The following ANKRD11 variants were observed in gnomAD, a reference collection of about 807,000 sequenced individuals.
The protein encoded by ANKRD11 is ankyrin repeat domain 11.
ANKRD11 carries 17 observed loss-of-function variants against 195.7 expected under a neutral mutation model. The observed-to-expected ratio is 0.09, with a 90% CI of 0.06 to 0.13. The LOEUF (loss-of-function observed/expected upper bound fraction) is 0.13, where lower values mean the gene tolerates loss of function less well. Among genes scored for constraint, ANKRD11 ranks in the 10% least tolerant of loss-of-function variants. The pLI is 1.00. For missense variants in ANKRD11, 3,735 were observed against 3,566.1 expected, an observed-to-expected ratio of 1.05 and a Z score of -1.21; for synonymous variants, 1,953 against 1,528.1, an observed-to-expected ratio of 1.28 and a Z score of -6.49.
intron 2 of ANKRD11, among the ~76,000 whole-genome samples, chr16:89,350,424 A>G (rs1265284762): frequency 1.3e-5 from 2 of 152,202 alleles, no homozygotes; most frequent in Non-Finnish European, 2.9e-5. Flanking sequence ...GGACATGTCT[A>G]TAACTGCTTA....
At chr16:89,321,923 G>A in intron 2 of ANKRD11, among the ~76,000 whole-genome samples, 1 of 152,230 alleles carries the variant, frequency 6.6e-6, no homozygotes, top group East Asian at 1.9e-4. Context: ...AAAGCCATTC[G>A]TGGAGACCCG....
At chr16:89,333,042 C>A (rs1283662366) in intron 2 of ANKRD11, among the ~76,000 whole-genome samples, 1 of 152,176 alleles carries the variant, frequency 6.6e-6, no homozygotes, top group African/African-American at 2.4e-5. Context: ...TGACAGGGAA[C>A]CCCCAGGGAA....
intron 2 of ANKRD11, among the ~76,000 whole-genome samples, chr16:89,376,622 G>C (rs1438167691): frequency 6.6e-6 from 1 of 152,166 alleles, no homozygotes; most frequent in Non-Finnish European, 1.5e-5. Context: ...ATTTTTAGCA[G>C]AGACGAGGGT....
intron 9 of ANKRD11, chr16:89,278,419 C>G (rs747524785): frequency 6.0e-5 from 25 of 417,578 alleles, no homozygotes; most frequent in Middle Eastern, 7.2e-4. Context: ...TTGGAGGGAT[C>G]TATTTTGGGC....
At chr16:89,305,770 A>C (rs2036173645) in intron 3 of ANKRD11, among the ~76,000 whole-genome samples, 4 of 114,736 alleles carry the variant, frequency 3.5e-5, no homozygotes, top group Non-Finnish European at 5.4e-5. Flanking sequence ...GACACGCGCC[A>C]CCTCCCACTC....
rs12931478 is a variant in ANKRD11, at chr16:89,329,000, C to T, written c.-59-11922G>A. On this transcript the variant is annotated intron_variant, in intron 2 of 12. Transcript: ENST00000301030. ...TGCTGAGTGAGTGGACATACCCAGGCGCACGGGCGAATCTGCAGAGGCCCC... is the reference window on the plus strand; with the variant it reads ...TGCTGAGTGAGTGGACATACCCAGGTGCACGGGCGAATCTGCAGAGGCCCC... 6.6e-5 allele frequency: 9 copies of T among 137,364 alleles called. 1 individual carries two copies. In the East Asian group the frequency reaches 1.8e-3, roughly 28 times the overall value. The allele number at this position is 137,364 out of a possible 1,614,324, so 8.5% of individuals were successfully genotyped here.
chr16:89,473,176 C>T (rs2057145653), intron 1 of ANKRD11, among the ~76,000 whole-genome samples: 1 of 114,740 alleles, frequency 8.7e-6, no homozygotes, highest in Admixed American at 9.0e-5. Context: ...CAAGACCCTG[C>T]CTCAAAAAAA....
intron 9 of ANKRD11, among the ~76,000 whole-genome samples, chr16:89,277,003 CCGA>C (rs1229955475): frequency 4.6e-5 from 7 of 151,492 alleles, no homozygotes; most frequent in African/African-American, 1.7e-4. Context: ...TTGCAGTGAG[CCGA>C]CATCACGCCA....
chr16:89,391,126 G>A (rs2041175387), intron 2 of ANKRD11, among the ~76,000 whole-genome samples: 1 of 151,908 alleles, frequency 6.6e-6, no homozygotes, highest in Non-Finnish European at 1.5e-5. Flanking sequence ...TACTCGGGAG[G>A]CTGAAGCAGG....
intron 3 of ANKRD11, among the ~76,000 whole-genome samples, chr16:89,310,622 G>A (rs2036558031): frequency 6.6e-6 from 1 of 152,166 alleles, no homozygotes; most frequent in African/African-American, 2.4e-5. Flanking sequence ...CAGTTCTCAG[G>A]AATATTTTGC....
At chr16:89,409,382 T>TC (rs2042031448) in intron 2 of ANKRD11, among the ~76,000 whole-genome samples, 1 of 152,086 alleles carries the variant, frequency 6.6e-6, no homozygotes, top group South Asian at 2.1e-4. Flanking sequence ...GGGAAGGCGG[T>TC]CCCCATCCTC....
chr16:89,331,906 AC>A (rs1275235950), intron 2 of ANKRD11, among the ~76,000 whole-genome samples: 5 of 152,186 alleles, frequency 3.3e-5, no homozygotes, highest in African/African-American at 1.2e-4. Flanking sequence ...TGGCTCCTGC[AC>A]GTGGGCCCCA....
intron 2 of ANKRD11, among the ~76,000 whole-genome samples, chr16:89,358,187 G>A (rs915545886): frequency 8.5e-5 from 13 of 152,164 alleles, no homozygotes; most frequent in Non-Finnish European, 1.6e-4. Flanking sequence ...CACCACGTGC[G>A]GGCAGACACA....
At chr16:89,323,208 A>T in intron 2 of ANKRD11, 1 of 880,212 alleles carries the variant, frequency 1.1e-6, no homozygotes, top group Non-Finnish European at 1.6e-6. Context: ...GAAGTCTCCA[A>T]CGGACTGAGC....
chr16:89,469,145 ACTTCAG>A (rs2056982969), intron 1 of ANKRD11, among the ~76,000 whole-genome samples: 1 of 151,950 alleles, frequency 6.6e-6, no homozygotes, highest in Non-Finnish European at 1.5e-5. Context: ...ACTGCACTGC[ACTTCAG>A]CTTGGGCCAC....
rs182431427 is a variant in ANKRD11 at position 89,445,684 on chromosome 16, C to T, written c.-144-27316G>A. On this transcript the variant is annotated intron_variant, in intron 1 of 12. Coordinates refer to ENST00000301030, the MANE Select transcript of ANKRD11 (RefSeq NM_013275.6). ...AAATAACTGTATTTTTTTAAAAAAACGATTTTGAGCCCGGGCACTGTGGCT... is the reference window on the plus strand; with the variant it reads ...AAATAACTGTATTTTTTTAAAAAAATGATTTTGAGCCCGGGCACTGTGGCT... 1.9e-3 allele frequency among the ~76,000 whole-genome samples: 283 copies of T among 152,192 alleles called. 1 individual carries two copies. Among genetic ancestry groups the T allele is most frequent in the South Asian group, 8.1e-3 (39 of 4,822 alleles).
intron 1 of ANKRD11, among the ~76,000 whole-genome samples, chr16:89,459,660 AG>A (rs1490090299): frequency 6.6e-6 from 1 of 152,230 alleles, no homozygotes; most frequent in African/African-American, 2.4e-5. Flanking sequence ...TTCTATAAAA[AG>A]GTTTAAAAAA....
chr16:89,456,021 C>T (rs1392218891), intron 1 of ANKRD11, among the ~76,000 whole-genome samples: 1 of 152,052 alleles, frequency 6.6e-6, no homozygotes, highest in African/African-American at 2.4e-5. Context: ...GGCCAATCAC[C>T]TGAGGTCAGG....
In ANKRD11 at chr16:89,436,293, T is replaced by C. The variant is rs553942977; in HGVS notation, c.-144-17925A>G. On this transcript the variant is annotated intron_variant, in intron 1 of 12. Coordinates refer to ENST00000301030, the MANE Select transcript of ANKRD11 (RefSeq NM_013275.6). ...GCTGGGCGTGATGGCTCAGAACCTGTAGTCCCAGCTACGTGGGAGGCTGAG... is the reference window on the plus strand; with the variant it reads ...GCTGGGCGTGATGGCTCAGAACCTGCAGTCCCAGCTACGTGGGAGGCTGAG... 5.3e-5 allele frequency among the ~76,000 whole-genome samples: 8 copies of C among 152,014 alleles called. No individual in the cohort carries two copies. The South Asian group carries it at 6.2e-4, about 12-fold the overall frequency.
Sources: allele counts gnomAD v4.1 joint callset (sites outside exome capture counted in the v4.1 genomes callset), GRCh38; gene constraint gnomAD v4.1.1; transcripts MANE v1.5; gene names NCBI Gene and HGNC (gene_info 2026-07-23, HGNC 2026-07-21).